ZNF804B: variants seen among roughly 807,000 people sequenced by gnomAD.
ZNF804B encodes the protein zinc finger protein 804B, also known as zinc finger 804B.
A neutral mutation model predicts 101.4 loss-of-function variants in ZNF804B; 80 were observed. The ratio of observed to expected loss-of-function variants is 0.79; its 90% confidence interval spans 0.66 to 0.95. ZNF804B has a LOEUF of 0.95. ZNF804B is among the 40% of genes least tolerant of loss of function. The pLI, the probability that ZNF804B is intolerant of heterozygous loss-of-function variation, is 0.00. For missense variants in ZNF804B, 1,673 were observed against 1,561.9 expected (o/e 1.07, Z -1.20); for synonymous variants, 622 against 558.8 (o/e 1.11, Z -1.59).
chr7:89,220,622 A>G lies in ZNF804B; in HGVS notation c.249+2327A>G, dbSNP rs192099727. ...TCATTTTATCTAAAAGTATTTCAAG[A>G]TATATGGTCATGCTTTAAAATTGAT... On this transcript the variant is annotated intron_variant, in intron 2 of 3. Transcript: ENST00000333190. 2.4e-3 allele frequency among the ~76,000 whole-genome samples: 371 copies of G among 152,034 alleles called. 3 individuals are homozygous for G. Among genetic ancestry groups the G allele is most frequent in the African/African-American group, 8.7e-3 (363 of 41,532 alleles).
At chr7:89,034,764 C>G (rs797000675) in intron 1 of ZNF804B, among the ~76,000 whole-genome samples, 12 of 151,974 alleles carry the variant, frequency 7.9e-5, no homozygotes, top group African/African-American at 2.9e-4. Flanking sequence ...GGGTGTATAC[C>G]CAGTAATGGG....
chr7:89,263,800 G>T (rs1266598969), intron 2 of ZNF804B, among the ~76,000 whole-genome samples: 1 of 152,280 alleles, frequency 6.6e-6, no homozygotes, highest in African/African-American at 2.4e-5. Flanking sequence ...AACCACTGGA[G>T]CTGGAAGAGG....
chr7:88,869,741 G>T (rs1274110410), intron 1 of ZNF804B, among the ~76,000 whole-genome samples: 1 of 152,088 alleles, frequency 6.6e-6, no homozygotes, highest in Non-Finnish European at 1.5e-5. Flanking sequence ...CCCTGGAGTT[G>T]CATGTTTAAT....
intron 1 of ZNF804B, among the ~76,000 whole-genome samples, chr7:89,029,852 G>A (rs1788803651): frequency 6.6e-6 from 1 of 152,026 alleles, no homozygotes; most frequent in South Asian, 2.1e-4. Context: ...AATTTCAGGT[G>A]GTACTGTATT....
chr7:89,307,999 TAATA>T (rs1373344256), intron 2 of ZNF804B, among the ~76,000 whole-genome samples: 1 of 152,204 alleles, frequency 6.6e-6, no homozygotes, highest in South Asian at 2.1e-4. Context: ...CAAATGTGCT[TAATA>T]AATAGAGTTG....
chr7:88,767,837 C>T (rs568130305), intron 1 of ZNF804B, among the ~76,000 whole-genome samples: 5 of 152,342 alleles, frequency 3.3e-5, no homozygotes, highest in African/African-American at 1.2e-4. Flanking sequence ...ATGTTTCTGC[C>T]ATTGCAGACG....
At chr7:88,845,300 C>CACAT (rs1791356325) in intron 1 of ZNF804B, among the ~76,000 whole-genome samples, 1 of 103,978 alleles carries the variant, frequency 9.6e-6, no homozygotes, top group African/African-American at 4.4e-5. Flanking sequence ...CGCACGCGCG[C>CACAT]GCACACACAC....
chr7:89,314,171 A>G (rs1352758664), intron 2 of ZNF804B, among the ~76,000 whole-genome samples: 1 of 152,178 alleles, frequency 6.6e-6, no homozygotes, highest in Non-Finnish European at 1.5e-5. Flanking sequence ...ATTTTACTCT[A>G]AAGTGACATG....
chr7:89,017,613 A>C (rs58017282), intron 1 of ZNF804B, among the ~76,000 whole-genome samples: 8,340 of 152,152 alleles, frequency 0.055, 538 homozygotes, highest in African/African-American at 0.16. Context: ...TTTGGATAGT[A>C]TGGCCATTTT....
At chr7:89,191,597 G>A (rs188427388) in intron 1 of ZNF804B, among the ~76,000 whole-genome samples, 6 of 152,168 alleles carry the variant, frequency 3.9e-5, no homozygotes, top group Admixed American at 3.3e-4. Context: ...CACTGAAGCA[G>A]TTGTTATAAC....
chr7:89,285,546 A>AAAAAAAAAG (rs1554389597), intron 2 of ZNF804B, among the ~76,000 whole-genome samples: 63 of 93,424 alleles, frequency 6.7e-4, no homozygotes, highest in Admixed American at 2.4e-3. Context: ...AAAAAAAAAA[A>AAAAAAAAAG]AAGAAGAAGA....
At chr7:89,299,853 T>A (rs1275625308) in intron 2 of ZNF804B, among the ~76,000 whole-genome samples, 1 of 152,050 alleles carries the variant, frequency 6.6e-6, no homozygotes. Flanking sequence ...ATAGAACTAC[T>A]TGTTTAATTA....
At chr7:88,771,542 C>A (rs571552994) in intron 1 of ZNF804B, among the ~76,000 whole-genome samples, 1 of 152,158 alleles carries the variant, frequency 6.6e-6, no homozygotes, top group African/African-American at 2.4e-5. Context: ...ATAAAGCCCT[C>A]ATTTCTGGGT....
intron 2 of ZNF804B, among the ~76,000 whole-genome samples, chr7:89,232,143 C>A (rs6943792): frequency 0.75 from 114,137 of 152,004 alleles, 44,127 homozygotes; most frequent in African/African-American, 0.91. Context: ...TATAAACGGG[C>A]TTCCGTTTAG....
At position 88,977,321 on chromosome 7, in the gene ZNF804B, T is replaced by C. The variant is rs191836759; in HGVS notation, c.108+217237T>C. On this transcript the variant is annotated intron_variant, in intron 1 of 3. Coordinates refer to ENST00000333190, the MANE Select transcript of ZNF804B (RefSeq NM_181646.5). ...TTTTGAATAGTTTGGGTAGCATTGG[T>C]ATTAGTTCTTTTTTAAATGTTTGAT... Among the ~76,000 whole-genome samples, 169 of 151,018 alleles carry C rather than the reference T, an allele frequency of 1.1e-3. 1 individual carries two copies. The highest frequency in any genetic ancestry group is 2.1e-3 in the Non-Finnish European group (141 of 67,464).
chr7:88,784,678 G>A (rs1198584441), intron 1 of ZNF804B, among the ~76,000 whole-genome samples: 2 of 151,988 alleles, frequency 1.3e-5, no homozygotes, highest in East Asian at 1.9e-4. Context: ...CCAGACTCTC[G>A]CTCCTCAACC....
intron 1 of ZNF804B, among the ~76,000 whole-genome samples, chr7:88,798,782 T>C (rs572666759): frequency 6.6e-6 from 1 of 152,242 alleles, no homozygotes; most frequent in South Asian, 2.1e-4. Context: ...CACTCTCTGC[T>C]CAATGGACAT....
chr7:89,005,565 G>A (rs1788360556), intron 1 of ZNF804B, among the ~76,000 whole-genome samples: 1 of 151,958 alleles, frequency 6.6e-6, no homozygotes, highest in Non-Finnish European at 1.5e-5. Flanking sequence ...TCATATTGAG[G>A]TAAAATTATT....
chr7:89,290,952 T>C (rs1415146341), intron 2 of ZNF804B, among the ~76,000 whole-genome samples: 1 of 152,106 alleles, frequency 6.6e-6, no homozygotes, highest in African/African-American at 2.4e-5. Context: ...CTCTGTTTTT[T>C]TGGAAGAACA....
Sources: gnomAD v4.1 joint callset for allele counts (sites outside exome capture counted in the v4.1 genomes callset) on GRCh38, gnomAD v4.1.1 for gene constraint, MANE v1.5 for transcripts, NCBI Gene and HGNC (gene_info 2026-07-23, HGNC 2026-07-21) for gene names.